Variants in CD5 observed in about 807,000 individuals in gnomAD.
CD5 encodes T-cell surface glycoprotein CD5.
CD5 carries 36 observed loss-of-function variants against 60.3 expected under a neutral mutation model. The ratio of observed to expected loss-of-function variants is 0.60; its 90% CI spans 0.46 to 0.79. The LOEUF (loss-of-function observed/expected upper bound fraction) is 0.79, where lower values mean the gene tolerates loss of function less well. Among genes scored for constraint, CD5 ranks in the 30% least tolerant of loss-of-function variants. The pLI is 0.00. For missense variants in CD5, 540 were observed against 630.6 expected (o/e 0.86, Z 1.54); for synonymous variants, 230 against 257.6 (o/e 0.89, Z 1.03).
upstream of CD5, among the ~76,000 whole-genome samples, chr11:61,102,123 A>G (rs1590764071): frequency 6.6e-6 from 1 of 151,992 alleles, no homozygotes; most frequent in South Asian, 2.1e-4. Flanking sequence ...CATGCTGCCC[A>G]TTTCCCGCCT....
chr11:61,119,885 T>TG (rs1472180099), intron 5 of CD5, among the ~76,000 whole-genome samples: 1 of 151,812 alleles, frequency 6.6e-6, no homozygotes, highest in African/African-American at 2.4e-5. Flanking sequence ...TTCGTGGGTC[T>TG]GGGGGAGAAA....
the CD5 span, among the ~76,000 whole-genome samples, chr11:61,094,198 C>G: frequency 0.029 from 4,450 of 151,908 alleles, 170 homozygotes; most frequent in African/African-American, 0.085. Context: ...CCCAGGTAGG[C>G]AATTGCCCCA....
chr11:61,119,706 G>C, intron 5 of CD5, 131 bp downstream of exon 5: 2 of 670,450 alleles, frequency 3.0e-6, no homozygotes, highest in Non-Finnish European at 5.0e-6. Flanking sequence ...GTGGAGGCCT[G>C]GTCTTGGCCT....
chr11:61,114,766 T>C (rs1860912854), intron 1 of CD5, among the ~76,000 whole-genome samples: 1 of 152,208 alleles, frequency 6.6e-6, no homozygotes, highest in Non-Finnish European at 1.5e-5. Flanking sequence ...CACATCTATA[T>C]ATGTGACATT....
chr11:61,115,284 G>A (rs1183029009), intron 2 of CD5, among the ~76,000 whole-genome samples, 190 bp downstream of exon 2: 1 of 152,138 alleles, frequency 6.6e-6, no homozygotes, highest in Non-Finnish European at 1.5e-5. Flanking sequence ...ATGCTCACAT[G>A]CAGGTGGGTG....
At chr11:61,106,888 G>A (rs886956538) in intron 1 of CD5, among the ~76,000 whole-genome samples, 3 of 152,046 alleles carry the variant, frequency 2.0e-5, no homozygotes, top group African/African-American at 4.8e-5. Context: ...TAATTACATC[G>A]GGTTTATTCA....
chr11:61,103,419 A>G (rs1416324603), intron 1 of CD5, among the ~76,000 whole-genome samples: 1 of 152,186 alleles, frequency 6.6e-6, no homozygotes, highest in Non-Finnish European at 1.5e-5. Flanking sequence ...GGCTGGAAAC[A>G]GGAGGATGCG....
At chr11:61,097,466 G>A in the CD5 span, among the ~76,000 whole-genome samples, 1 of 152,340 alleles carries the variant, frequency 6.6e-6, no homozygotes, top group African/African-American at 2.4e-5. Context: ...ATCACATAGA[G>A]AGGAATCCAT....
At chr11:61,101,527 C>G (rs1198149682), upstream of CD5, among the ~76,000 whole-genome samples, 2 of 151,560 alleles carry the variant, frequency 1.3e-5, no homozygotes, top group Non-Finnish European at 2.9e-5. Context: ...GGAGATCACA[C>G]ACACAACACA....
chr11:61,100,386 C>T (rs1860651478), upstream of CD5, among the ~76,000 whole-genome samples: 2 of 146,020 alleles, frequency 1.4e-5, no homozygotes, highest in African/African-American at 2.6e-5. Context: ...GGAGATCACA[C>T]ACACACATCA....
In CD5 at chr11:61,119,278, T is replaced by G; in HGVS notation, c.508T>G (p.Cys170Gly). 1.2e-6 allele frequency: 2 copies of G among 1,613,244 alleles called. No individual in the cohort carries two copies. The highest frequency in any genetic ancestry group is 1.7e-6 in the Non-Finnish European group (2 of 1,179,820). Residue 170 changes from cysteine to glycine, a missense_variant, in exon 5 of 11, where the codon TGT (cysteine) becomes GGT (glycine). Cys to Gly is a radical substitution (Grantham distance 159). Transcript: ENST00000347785. ...GGTGGCACAGTCTGGCGGCCAGCAC[T>G]GTGCCGGCGTGGTGGAGTTCTACAG... is the stretch of plus-strand genomic sequence containing the variant. ...QLVAQSGGQHCAGVVEFYSGS... is the reference protein window; with the variant it reads ...QLVAQSGGQHGAGVVEFYSGS...
intron 8 of CD5, among the ~76,000 whole-genome samples, chr11:61,124,543 C>CA (rs1861118109): frequency 6.6e-6 from 1 of 152,090 alleles, no homozygotes; most frequent in Admixed American, 6.5e-5. Flanking sequence ...CAGCCACAGT[C>CA]AGAGACACCC....
At chr11:61,120,819 C>T (rs751319371) in intron 5 of CD5, among the ~76,000 whole-genome samples, 4 of 152,134 alleles carry the variant, frequency 2.6e-5, no homozygotes, top group African/African-American at 7.2e-5. Context: ...GGCTCGCAGT[C>T]CCACCGGCCC....
intron 1 of CD5, among the ~76,000 whole-genome samples, chr11:61,104,479 T>G (rs919977647): frequency 2.0e-5 from 3 of 152,154 alleles, no homozygotes; most frequent in African/African-American, 4.8e-5. Context: ...TGGGAACCCG[T>G]GTCCTGCTCT....
At chr11:61,097,418 T>C in the CD5 span, among the ~76,000 whole-genome samples, 1 of 152,208 alleles carries the variant, frequency 6.6e-6, no homozygotes, top group Admixed American at 6.5e-5. Flanking sequence ...AGAAACTGTA[T>C]AATGGTACCA....
At chr11:61,095,887 T>G in the CD5 span, among the ~76,000 whole-genome samples, 11 of 152,250 alleles carry the variant, frequency 7.2e-5, no homozygotes, top group Non-Finnish European at 1.2e-4. Context: ...ATGATTAACA[T>G]GGCCTTACTT....
upstream of CD5, among the ~76,000 whole-genome samples, chr11:61,098,772 C>A (rs937717776): frequency 6.6e-6 from 1 of 152,194 alleles, no homozygotes; most frequent in Non-Finnish European, 1.5e-5. Context: ...CTGATGCTCC[C>A]GGCTGAATAA....
At chr11:61,105,949 A>G (rs559114313) in intron 1 of CD5, among the ~76,000 whole-genome samples, 1 of 152,156 alleles carries the variant, frequency 6.6e-6, no homozygotes, top group Admixed American at 6.5e-5. Flanking sequence ...ACATGGTGAA[A>G]CCTCATCTCT....
Position 61,121,799 on chromosome 11 carries a change from G to A in CD5, c.994G>A (p.Ala332Thr), listed in dbSNP as rs766558675. Residue 332 changes from alanine to threonine, a missense_variant, in exon 6 of 11, where the codon GCT (alanine) becomes ACT (threonine). Transcript: ENST00000347785. Reference protein sequence around the residue: ...GSVNSYRVLDAGDPTSRGLFC... With the variant: ...GSVNSYRVLDTGDPTSRGLFC... ...CGTCAACTCCTATCGAGTGCTGGAC[G>A]CTGGTGACCCAACATCCCGGGGGCT... 15 of 1,609,862 alleles carry A rather than the reference G, an allele frequency of 9.3e-6. No homozygotes were observed. Among genetic ancestry groups the A allele is most frequent in the African/African-American group, 4.0e-5 (3 of 74,962 alleles).
Sources: gnomAD v4.1 joint callset for allele counts (sites outside exome capture counted in the v4.1 genomes callset) on GRCh38, gnomAD v4.1.1 for gene constraint, MANE v1.5 for transcripts, NCBI Gene and HGNC (gene_info 2026-07-23, HGNC 2026-07-21) for gene names.